The following GALNTL6 variants were observed in gnomAD, a reference collection of about 807,000 sequenced individuals.
GALNTL6 encodes the protein polypeptide N-acetylgalactosaminyltransferase like 6, also known as polypeptide N-acetylgalactosaminyltransferase-like 6.
A neutral mutation model predicts 73.7 loss-of-function variants in GALNTL6; 46 were observed. The observed-to-expected ratio is 0.62, with a 90% CI of 0.49 to 0.80. The LOEUF is 0.80. GALNTL6 is among the 30% of genes least tolerant of loss of function. The pLI, the probability that GALNTL6 is intolerant of heterozygous loss-of-function variation, is 0.00. For missense variants in GALNTL6, 604 were observed against 755.0 expected (o/e 0.80, Z 2.34); for synonymous variants, 259 against 263.7 (o/e 0.98, Z 0.17).
chr4:171,913,971 G>A (rs886290887), intron 2 of GALNTL6, among the ~76,000 whole-genome samples: 2 of 151,908 alleles, frequency 1.3e-5, no homozygotes, highest in Admixed American at 6.6e-5. Context: ...ATGTAAAAAT[G>A]CATTTTAACT....
chr4:172,044,287 T>C (rs181665097), intron 2 of GALNTL6, among the ~76,000 whole-genome samples: 5 of 152,066 alleles, frequency 3.3e-5, no homozygotes, highest in Non-Finnish European at 4.4e-5. Flanking sequence ...AACATTAAAA[T>C]AATATTAGGT....
rs537799519 is a variant in GALNTL6 at position 172,087,310 on chromosome 4, G to T, written c.139-142346G>T. Among the ~76,000 whole-genome samples the T allele has an allele frequency of 1.8e-3, 272 of 151,694 alleles. 2 individuals carry two copies. Among genetic ancestry groups the T allele is most frequent in the African/African-American group, 6.2e-3 (257 of 41,392 alleles). ...ATATAAAAAAATTAGCCGGGCGTGG[G>T]GGTGGGCGCCTGTAGTCCCAGCTAC... On this transcript the variant is annotated intron_variant, in intron 2 of 12. Transcript: ENST00000506823.
Position 172,809,274 on chromosome 4 carries a change from A to T in GALNTL6, c.554-87A>T. The T allele has an allele frequency of 9.6e-7, 1 of 1,043,790 alleles. No homozygotes were observed. The highest frequency in any genetic ancestry group is 1.5e-6 in the Non-Finnish European group (1 of 684,896). 64.7% of individuals were successfully genotyped at this position (1,043,790 alleles called of 1,614,324 possible). On this transcript the variant is annotated intron_variant, in intron 5 of 12. Coordinates refer to ENST00000506823, the MANE Select transcript of GALNTL6 (RefSeq NM_001034845.3). The surrounding 1 kb of genome is among the most constrained non-coding windows in gnomAD (Gnocchi z 4.4). ...TGTTACCCCAGGATTCATCAGTCAC[A>T]TACTCTCTATGCACAAACAACCGTG... is the stretch of plus-strand genomic sequence containing the variant.
At chr4:172,728,344 G>A (rs572072349) in intron 5 of GALNTL6, among the ~76,000 whole-genome samples, 84 of 151,918 alleles carry the variant, frequency 5.5e-4, no homozygotes, top group African/African-American at 1.9e-3. Context: ...ACTTTTTTTA[G>A]TTCTCACATA....
In GALNTL6 at chr4:171,890,229, T is replaced by C. The variant is rs937470219; in HGVS notation, c.138+75511T>C. On this transcript the variant is annotated intron_variant, in intron 2 of 12. Coordinates refer to ENST00000506823, the MANE Select transcript of GALNTL6 (RefSeq NM_001034845.3). ...TGTATATATCATCATTTCCAAGACC[T>C]GCAAAGTCAAGTGGTTTTTATAAAA... Among the ~76,000 whole-genome samples the C allele has an allele frequency of 2.0e-5, 3 of 152,216 alleles. No homozygotes were observed. In the East Asian group the frequency reaches 5.8e-4, roughly 29 times the overall value.
chr4:171,818,283 C>T (rs981239349), intron 2 of GALNTL6, among the ~76,000 whole-genome samples: 147 of 151,768 alleles, frequency 9.7e-4, no homozygotes, highest in African/African-American at 3.4e-3. Context: ...TTTCTCTTTT[C>T]TTAATCACTT....
chr4:172,208,948 T>A lies in GALNTL6; in HGVS notation c.139-20708T>A, dbSNP rs565982293. Reference sequence around the variant, plus strand: ...AAAAATTATAGGAAAACAAAAAGATTTTCAAGCATAAATAATTGCACAAAA... The same window carrying A: ...AAAAATTATAGGAAAACAAAAAGATATTCAAGCATAAATAATTGCACAAAA... On this transcript the variant is annotated intron_variant, in intron 2 of 12. Transcript: ENST00000506823. Among the ~76,000 whole-genome samples the A allele has an allele frequency of 1.2e-4, 19 of 152,208 alleles. 1 individual carries two copies. The highest frequency in any genetic ancestry group is 4.3e-4 in the African/African-American group (18 of 41,564).
At chr4:172,525,001 A>G (rs1045698931) in intron 5 of GALNTL6, among the ~76,000 whole-genome samples, 1 of 152,206 alleles carries the variant, frequency 6.6e-6, no homozygotes, top group African/African-American at 2.4e-5. Context: ...ATTTTTTAGT[A>G]TGGATATATA....
At chr4:172,112,810 C>T (rs967895415) in intron 2 of GALNTL6, among the ~76,000 whole-genome samples, 1 of 151,718 alleles carries the variant, frequency 6.6e-6, no homozygotes, top group Non-Finnish European at 1.5e-5. Context: ...ATAAAAGAGG[C>T]CCCACAAAGA....
chr4:172,228,153 T>G (rs1263147068), intron 2 of GALNTL6, among the ~76,000 whole-genome samples: 1 of 152,198 alleles, frequency 6.6e-6, no homozygotes, highest in Non-Finnish European at 1.5e-5. Flanking sequence ...ATGTTTGATT[T>G]TTTTAAATGT....
At chr4:172,348,475 A>G (rs1177857810) in intron 4 of GALNTL6, 48 bp from the exon 5 acceptor site, 1 of 1,444,006 alleles carries the variant, frequency 6.9e-7, no homozygotes, top group South Asian at 1.2e-5. Context: ...AATAAGATAT[A>G]CAAGAGTTTT....
intron 8 of GALNTL6, among the ~76,000 whole-genome samples, chr4:172,899,156 T>C (rs149073949): frequency 3.3e-5 from 5 of 152,216 alleles, no homozygotes; most frequent in Middle Eastern, 3.2e-3. Context: ...ATAAAGCCTT[T>C]CCTTCCACAA....
At chr4:171,930,589 C>T (rs554870742) in intron 2 of GALNTL6, among the ~76,000 whole-genome samples, 2 of 152,200 alleles carry the variant, frequency 1.3e-5, no homozygotes, top group East Asian at 3.9e-4. Flanking sequence ...AATCCCAGCA[C>T]CTTGGGAGGC....
intron 9 of GALNTL6, among the ~76,000 whole-genome samples, chr4:172,946,585 A>G (rs535233556): frequency 2.6e-5 from 4 of 152,338 alleles, no homozygotes; most frequent in African/African-American, 9.6e-5. Context: ...CCTGACGTGT[A>G]TTAGAATTAA....
At chr4:172,397,894 T>C (rs1743907154) in intron 5 of GALNTL6, among the ~76,000 whole-genome samples, 1 of 152,124 alleles carries the variant, frequency 6.6e-6, no homozygotes, top group African/African-American at 2.4e-5. Flanking sequence ...TTTATTTTTA[T>C]CTTTTCTAAA....
intron 5 of GALNTL6, among the ~76,000 whole-genome samples, chr4:172,372,066 G>T: frequency 6.6e-6 from 1 of 152,174 alleles, no homozygotes; most frequent in Non-Finnish European, 1.5e-5. Flanking sequence ...ACTGGGCGCT[G>T]GTCCCTGGGG....
chr4:172,249,123 G>C (rs1006295941), intron 3 of GALNTL6, among the ~76,000 whole-genome samples: 11 of 152,172 alleles, frequency 7.2e-5, no homozygotes, highest in African/African-American at 2.2e-4. Context: ...GAACTTCCTA[G>C]AAGCTTGTTG....
intron 5 of GALNTL6, among the ~76,000 whole-genome samples, chr4:172,471,540 T>G (rs1733050920): frequency 6.6e-6 from 1 of 152,122 alleles, no homozygotes; most frequent in African/African-American, 2.4e-5. Context: ...TTTAGCCAAA[T>G]TTTTTTAGCT....
At chr4:172,833,281 T>A (rs969936743) in intron 7 of GALNTL6, among the ~76,000 whole-genome samples, 50 of 147,538 alleles carry the variant, frequency 3.4e-4, no homozygotes, top group African/African-American at 1.2e-3. Context: ...TCTGGAAACC[T>A]TATGTTGATA....
Sources: gnomAD v4.1 joint callset for allele counts (sites outside exome capture counted in the v4.1 genomes callset) on GRCh38, gnomAD v4.1.1 for gene constraint, Gnocchi (gnomAD v3.1) non-coding constraint, MANE v1.5 for transcripts, NCBI Gene and HGNC (gene_info 2026-07-23, HGNC 2026-07-21) for gene names.